The following VWF variants were observed in gnomAD, a reference collection of about 807,000 sequenced individuals.
The protein encoded by VWF is von Willebrand factor.
A neutral mutation model predicts 308.6 loss-of-function variants in VWF; 176 were observed. That is an observed-to-expected ratio of 0.57 (90% CI 0.50 to 0.65). VWF has a LOEUF of 0.65. VWF is among the 30% of genes least tolerant of loss of function. VWF has a pLI of 0.00. For synonymous variants in VWF, 1,385 were observed against 1,443.4 expected (o/e 0.96, Z 0.92); for missense variants, 3,146 against 3,648.2 (o/e 0.86, Z 3.55).
chr12:6,073,713 A>G lies in VWF; in HGVS notation c.903T>C (p.Tyr301=). 6.2e-7 allele frequency: 1 copy of G among 1,614,006 alleles called. No individual in the cohort carries two copies. The highest frequency in any genetic ancestry group is 8.5e-7 in the Non-Finnish European group (1 of 1,180,000). ...CSPVCPAGME[Y]RQCVSPCART... ...TGGCGCAAGGGGACACACACTGCCT[A>G]TACTCCATACCAGCAGGGCACACTG... The change falls in exon 8 of 52, where the codon TAT becomes TAC. Residue 301 remains tyrosine, a synonymous_variant. Coordinates refer to ENST00000261405, the MANE Select transcript of VWF (RefSeq NM_000552.5).
chr12:5,982,441 A>C (rs541326359), intron 41 of VWF, among the ~76,000 whole-genome samples: 4 of 152,312 alleles, frequency 2.6e-5, no homozygotes. Context: ...GTCCGCCAGC[A>C]ATCAGTGTGG....
At chr12:5,993,752 T>C (rs527376407) in intron 37 of VWF, 110 bp downstream of exon 37, 1 of 971,444 alleles carries the variant, frequency 1.0e-6, no homozygotes, top group South Asian at 1.4e-5. Context: ...TCATACGAAA[T>C]ACAGGGATTT....
chr12:5,949,314 C>T, intron 51 of VWF, 111 bp from the exon 52 acceptor site: 1 of 1,130,140 alleles, frequency 8.8e-7, no homozygotes. Flanking sequence ...CAAGGCAGGT[C>T]TGATCTCACC....
chr12:6,051,156 A>T (rs1340167671), intron 16 of VWF, among the ~76,000 whole-genome samples: 3 of 152,206 alleles, frequency 2.0e-5, no homozygotes, highest in Non-Finnish European at 2.9e-5. Flanking sequence ...AGAGGAGTCA[A>T]TAGACAAAAT....
At chr12:6,054,318 G>A (rs1944552704) in intron 15 of VWF, among the ~76,000 whole-genome samples, 1 of 152,172 alleles carries the variant, frequency 6.6e-6, no homozygotes, top group African/African-American at 2.4e-5. Context: ...TTGGATTATT[G>A]GATGAATACT....
At position 6,121,232 on chromosome 12, in the gene VWF, C is replaced by T. The variant is rs148741727; in HGVS notation, c.162G>A (p.Ala54=). The T allele has an allele frequency of 3.7e-6, 6 of 1,614,088 alleles. No homozygotes were observed. The highest frequency in any genetic ancestry group is 2.7e-5 in the African/African-American group (2 of 74,922). The change falls in exon 3 of 52, where the codon GCG becomes GCA. Residue 54 remains alanine, a synonymous_variant. Coordinates refer to ENST00000261405, the MANE Select transcript of VWF (RefSeq NM_000552.5). ...CTGCCAGGAGGTAACTGCAGTATCCCGCAAAGCTGTACATGCTCCCATCAA... is the reference window on the plus strand; with the variant it reads ...CTGCCAGGAGGTAACTGCAGTATCCTGCAAAGCTGTACATGCTCCCATCAA... ...NTFDGSMYSF[A]GYCSYLLAGG...
chr12:6,060,570 G>A lies in VWF; in HGVS notation c.1533+2384C>T, dbSNP rs1944643943. 6.6e-6 allele frequency among the ~76,000 whole-genome samples: 1 copy of A among 151,936 alleles called. No homozygotes were observed. On this transcript the variant is annotated intron_variant, in intron 13 of 51. Coordinates refer to ENST00000261405, the MANE Select transcript of VWF (RefSeq NM_000552.5). The surrounding 1 kb of genome is among the most constrained non-coding windows in gnomAD (Gnocchi z 5.1). ...CCCACAAGATAGTCCCTTTCCATGA[G>A]CCCCAGGAATCTGTGTAAAGAAAAA...
chr12:5,990,965 G>T (rs1440196611), intron 38 of VWF, among the ~76,000 whole-genome samples: 1 of 148,442 alleles, frequency 6.7e-6, no homozygotes, highest in Non-Finnish European at 1.5e-5. Flanking sequence ...CAGCAAAAGG[G>T]CCATTTCATA....
At chr12:6,067,081 C>T (rs1329523672) in intron 10 of VWF, among the ~76,000 whole-genome samples, 1 of 152,200 alleles carries the variant, frequency 6.6e-6, no homozygotes, top group East Asian at 1.9e-4. Flanking sequence ...CCGCTGCCCC[C>T]TCTAGAAGAG....
chr12:6,022,265 C>A (rs905811634), intron 26 of VWF, among the ~76,000 whole-genome samples: 14 of 152,104 alleles, frequency 9.2e-5, no homozygotes, highest in African/African-American at 2.9e-4. Flanking sequence ...TACCTCACCT[C>A]CCCAAGCCTC....
chr12:6,029,609 C>A, intron 21 of VWF, 121 bp from the exon 22 acceptor site: 2 of 1,300,778 alleles, frequency 1.5e-6, no homozygotes, highest in Non-Finnish European at 2.1e-6. Flanking sequence ...CACTGCCACC[C>A]CTCCAGGACC....
intron 6 of VWF, among the ~76,000 whole-genome samples, chr12:6,089,254 C>T (rs1040182260): frequency 4.6e-5 from 7 of 152,184 alleles, no homozygotes; most frequent in African/African-American, 1.7e-4. Flanking sequence ...AGTGAAAAAA[C>T]CTCGGTTGTG....
chr12:5,965,706 A>G (rs112962350), intron 47 of VWF, among the ~76,000 whole-genome samples: 2 of 152,104 alleles, frequency 1.3e-5, no homozygotes, highest in African/African-American at 4.8e-5. Context: ...ACCTACCTAG[A>G]CCTAATTCAC....
In VWF at chr12:6,057,032, G is replaced by T; in HGVS notation, c.1770C>A (p.Pro590=). 1 of 1,549,104 alleles carries T rather than the reference G, an allele frequency of 6.5e-7. No individual in the cohort carries two copies. The highest frequency in any genetic ancestry group is 2.4e-5 in the East Asian group (1 of 42,078). The stretch of plus-strand genomic sequence containing the variant: ...CGGCACGATGGCAGGCCTCGAATGT[G>T]GGGGACGTCAGGACCGCGCACGCCT... The part of the protein sequence containing the change: ...SEEACAVLTS[P]TFEACHRAVS... Residue 590 remains proline (P), a synonymous_variant, in exon 15 of 52, where the codon CCC becomes CCA. Transcript: ENST00000261405.
chr12:6,082,781 C>T (rs1944928168), intron 6 of VWF, among the ~76,000 whole-genome samples: 1 of 152,250 alleles, frequency 6.6e-6, no homozygotes, highest in Non-Finnish European at 1.5e-5. Flanking sequence ...CTGGTTCATG[C>T]ATCATTCTTT....
intron 40 of VWF, among the ~76,000 whole-genome samples, chr12:5,983,475 A>G (rs1012670719): frequency 9.4e-5 from 14 of 149,356 alleles, no homozygotes; most frequent in African/African-American, 3.4e-4. Context: ...ATAGATAGAT[A>G]GATACATACA....
chr12:6,103,508 A>ATG (rs1945205385), intron 5 of VWF, among the ~76,000 whole-genome samples: 27 of 122,096 alleles, frequency 2.2e-4, no homozygotes, highest in African/African-American at 1.1e-3. Context: ...ACACACGTAT[A>ATG]TATATACACA....
chr12:6,001,201 C>A (rs1362374562), intron 34 of VWF, among the ~76,000 whole-genome samples: 1 of 152,078 alleles, frequency 6.6e-6, no homozygotes, highest in East Asian at 1.9e-4. Flanking sequence ...AAAGCATAAA[C>A]CTTCCTAGAC....
chr12:6,077,239 G>A (rs1423722143), intron 6 of VWF, among the ~76,000 whole-genome samples: 2 of 152,200 alleles, frequency 1.3e-5, no homozygotes. Flanking sequence ...GAACGGCGGG[G>A]CAGGGGTGGA....
Sources: gnomAD v4.1 joint callset for allele counts (sites outside exome capture counted in the v4.1 genomes callset) on GRCh38, gnomAD v4.1.1 for gene constraint, Gnocchi (gnomAD v3.1) non-coding constraint, MANE v1.5 for transcripts, NCBI Gene and HGNC (gene_info 2026-07-23, HGNC 2026-07-21) for gene names.